Variants in SYBU observed in about 807,000 individuals in gnomAD.
SYBU encodes the protein syntabulin.
Under a neutral mutation model 35.9 loss-of-function variants are expected in SYBU, and 21 were observed. The observed-to-expected ratio is 0.58, with a 90% CI of 0.41 to 0.84. The LOEUF (loss-of-function observed/expected upper bound fraction) is 0.84. SYBU is among the 40% of genes least tolerant of loss of function. The pLI is 0.00. For synonymous variants in SYBU, 319 were observed against 324.3 expected (o/e 0.98, Z 0.18); for missense variants, 768 against 848.2 (o/e 0.91, Z 1.17).
At chr8:109,626,353 G>A (rs1171541917) in intron 2 of SYBU, among the ~76,000 whole-genome samples, 1 of 151,960 alleles carries the variant, frequency 6.6e-6, no homozygotes, top group Non-Finnish European at 1.5e-5. Context: ...GATATTTATA[G>A]TTTCACTTTC....
chr8:109,597,497 C>G (rs568075778), intron 3 of SYBU, among the ~76,000 whole-genome samples: 3 of 151,750 alleles, frequency 2.0e-5, no homozygotes, highest in Non-Finnish European at 4.4e-5. Context: ...ATAGGCAGAT[C>G]AATTGAGCCC....
rs200931282 is a variant in SYBU at position 109,652,392 on chromosome 8, CCT to C, written c.-129+28317_-129+28318del. On this transcript the variant is annotated intron_variant, in intron 1 of 5. Coordinates refer to the SYBU transcript ENST00000408889. ...TCTTTTTCTACTCTCTCTCTCTCTC[CCT>C]TTTTTTTCCCTACTTTGAGATACTT... is the stretch of plus-strand genomic sequence containing the variant. Among the ~76,000 whole-genome samples the C allele has an allele frequency of 4.7e-3, 676 of 143,818 alleles. 24 individuals carry two copies. The East Asian group carries it at 0.086, about 18-fold the overall frequency. 94.4% of individuals were successfully genotyped at this position (143,818 alleles called of 152,430 possible). A position where few individuals can be genotyped will look rare whatever the true frequency, so the allele number is the denominator to read the frequency against.
chr8:109,580,107 A>G (rs1822850676), intron 4 of SYBU, 105 bp from the exon 5 acceptor site: 1 of 1,063,960 alleles, frequency 9.4e-7, no homozygotes, highest in African/African-American at 1.6e-5. Flanking sequence ...TAGAGTTGAA[A>G]GGCGCAATAC....
At chr8:109,670,612 T>C (rs181594913) in intron 1 of SYBU, among the ~76,000 whole-genome samples, 1 of 152,132 alleles carries the variant, frequency 6.6e-6, no homozygotes, top group Admixed American at 6.5e-5. Context: ...TTTTTGTGAA[T>C]ACTACTGAAT....
chr8:109,577,704 A>C (rs1466401165), intron 6 of SYBU, among the ~76,000 whole-genome samples, 164 bp downstream of exon 6: 1 of 152,224 alleles, frequency 6.6e-6, no homozygotes, highest in Non-Finnish European at 1.5e-5. Flanking sequence ...GCCATATCAC[A>C]CAGAGTTATG....
chr8:109,622,225 C>CTATCTATCATCT (rs745990131), intron 2 of SYBU, among the ~76,000 whole-genome samples: 2 of 132,952 alleles, frequency 1.5e-5, no homozygotes, highest in Non-Finnish European at 3.2e-5. Context: ...ATCTATCTAT[C>CTATCTATCATCT]ATCTATCTAT....
At chr8:109,611,974 T>G (rs917099311) in intron 3 of SYBU, among the ~76,000 whole-genome samples, 1 of 152,194 alleles carries the variant, frequency 6.6e-6, no homozygotes, top group Non-Finnish European at 1.5e-5. Context: ...TAAAAAATTG[T>G]GTTTTATATC....
intron 1 of SYBU, chr8:109,644,140 A>T (rs1294997106): frequency 4.4e-6 from 2 of 458,248 alleles, no homozygotes; most frequent in African/African-American, 2.0e-5. Flanking sequence ...GGAACTTCGG[A>T]GGGCCCTCAG....
chr8:109,676,907 T>C (rs1817210840), intron 1 of SYBU, among the ~76,000 whole-genome samples: 1 of 152,278 alleles, frequency 6.6e-6, no homozygotes, highest in South Asian at 2.1e-4. Flanking sequence ...CAGTAGTCAG[T>C]TGTGATCAAC....
At chr8:109,680,755 TAGAA>T (rs2130783431) in exon 1 of SYBU, 1 of 152,310 alleles carries the variant, frequency 6.6e-6, no homozygotes, top group South Asian at 2.1e-4. Context: ...CTCAGCCAAA[TAGAA>T]AGAACATATA....
In SYBU at chr8:109,622,685, C is replaced by A. The variant is rs560695597; in HGVS notation, c.230-3646G>T. Among the ~76,000 whole-genome samples the A allele has an allele frequency of 5.3e-5, 8 of 152,246 alleles. No individual in the cohort carries two copies. In the South Asian group the frequency reaches 1.7e-3, roughly 32 times the overall value. ...GCTTCAGTTAAACTATGGGAATGTGCCTTCTGTTTTCTTCTGCTACCTGAC... is the reference window on the plus strand; with the variant it reads ...GCTTCAGTTAAACTATGGGAATGTGACTTCTGTTTTCTTCTGCTACCTGAC... On this transcript the variant is annotated intron_variant, in intron 2 of 6. Coordinates refer to ENST00000276646, the MANE Select transcript of SYBU (RefSeq NM_001099754.2).
intron 3 of SYBU, among the ~76,000 whole-genome samples, chr8:109,615,817 C>A (rs1218623938): frequency 1.3e-5 from 2 of 151,828 alleles, no homozygotes; most frequent in Non-Finnish European, 2.9e-5. Flanking sequence ...ATCCATGAAA[C>A]CCCTGAAATG....
Position 109,642,098 on chromosome 8 carries a change from T to C in SYBU, c.229+630A>G, listed in dbSNP as rs1016733484. Among the ~76,000 whole-genome samples, 7 of 152,290 alleles carry C rather than the reference T, an allele frequency of 4.6e-5. No individual in the cohort carries two copies. The East Asian group carries it at 1.4e-3, about 29-fold the overall frequency. On this transcript the variant is annotated intron_variant, in intron 2 of 6. Coordinates refer to ENST00000276646, the MANE Select transcript of SYBU (RefSeq NM_001099754.2). Reference sequence around the variant, plus strand: ...GACTGGATAAAGAAAATGTGGCACATATACACCAAGGAATACTATGCAGCC... The same window carrying C: ...GACTGGATAAAGAAAATGTGGCACACATACACCAAGGAATACTATGCAGCC...
chr8:109,690,718 T>C (rs951795299), intron 1 of SYBU, among the ~76,000 whole-genome samples: 10 of 152,182 alleles, frequency 6.6e-5, no homozygotes, highest in African/African-American at 2.4e-4. Flanking sequence ...CTATTTTAAA[T>C]CCAAACCTGT....
chr8:109,585,947 A>AC, intron 4 of SYBU, 113 bp downstream of exon 4: 1 of 722,176 alleles, frequency 1.4e-6, no homozygotes, highest in Non-Finnish European at 2.3e-6. Flanking sequence ...AAAAAGCCTC[A>AC]CTGAATAATA....
intron 1 of SYBU, among the ~76,000 whole-genome samples, chr8:109,660,721 C>A (rs1816529955): frequency 1.3e-5 from 2 of 152,142 alleles, no homozygotes; most frequent in African/African-American, 2.4e-5. Context: ...TTTGACATTT[C>A]TCTTTGACTT....
At chr8:109,623,981 T>C (rs1438728159) in intron 2 of SYBU, among the ~76,000 whole-genome samples, 2 of 152,230 alleles carry the variant, frequency 1.3e-5, no homozygotes, top group Admixed American at 1.3e-4. Context: ...TTTCAACATA[T>C]ATTTTAGACA....
chr8:109,658,917 C>T (rs1816459128), intron 1 of SYBU, among the ~76,000 whole-genome samples: 1 of 151,876 alleles, frequency 6.6e-6, no homozygotes, highest in East Asian at 1.9e-4. Flanking sequence ...TTGCGCCACA[C>T]TGCACTCAAG....
At chr8:109,636,941 C>A (rs1450723494) in intron 2 of SYBU, among the ~76,000 whole-genome samples, 1 of 152,146 alleles carries the variant, frequency 6.6e-6, no homozygotes, top group African/African-American at 2.4e-5. Flanking sequence ...ATTCCACATC[C>A]ACCTTGCCCC....
Sources: allele counts gnomAD v4.1 joint callset (sites outside exome capture counted in the v4.1 genomes callset), GRCh38; gene constraint gnomAD v4.1.1; transcripts MANE v1.5; gene names NCBI Gene and HGNC (gene_info 2026-07-23, HGNC 2026-07-21).